The following HSPA14 variants were observed in gnomAD, a reference collection of about 807,000 sequenced individuals.
The protein encoded by HSPA14 is heat shock 70 kDa protein 14.
In HSPA14, 37 loss-of-function variants were observed where a neutral mutation model predicts 65.5. That is an observed-to-expected ratio of 0.56 (90% CI 0.43 to 0.74). The LOEUF (loss-of-function observed/expected upper bound fraction) is 0.74. Among genes scored for constraint, HSPA14 ranks in the 30% least tolerant of loss-of-function variants. The pLI, the probability that HSPA14 is intolerant of heterozygous loss-of-function variation, is 0.00. For synonymous variants in HSPA14, 203 were observed against 214.2 expected (o/e 0.95, Z 0.46); for missense variants, 564 against 607.6 (o/e 0.93, Z 0.75).
At position 14,852,450 on chromosome 10, in the gene HSPA14, T is replaced by A; in HGVS notation, c.653T>A (p.Leu218His). The A allele has an allele frequency of 6.2e-7, 1 of 1,614,016 alleles. No homozygotes were observed. Among genetic ancestry groups the A allele is most frequent in the Non-Finnish European group, 8.5e-7 (1 of 1,179,882 alleles). ...GTTAACAGTGGAATATATCGGGTTC[T>A]TTCAACAAACACTGATGATAACATC... ...MEVNSGIYRV[L>H]STNTDDNIGG... is the part of the protein sequence containing the mutation. Residue 218 changes from leucine to histidine, a missense_variant, in exon 8 of 14, where the codon CTT becomes CAT. By Grantham distance (99) the Leu-to-His change is moderately conservative. Transcript: ENST00000378372.
At position 14,854,190 on chromosome 10, in the gene HSPA14, T is replaced by C. The variant is rs114492585; in HGVS notation, c.800T>C (p.Val267Ala). Reference protein sequence around the residue: ...AMMKLTNSAEVAKHSLSTLGS... With the variant: ...AMMKLTNSAEAAKHSLSTLGS... ...ATGAAATTAACGAACAGTGCTGAAGTAGCGAAACATTCTTTGTCAACCTTG... is the reference window on the plus strand; with the variant it reads ...ATGAAATTAACGAACAGTGCTGAAGCAGCGAAACATTCTTTGTCAACCTTG... The change falls in exon 9 of 14, where the codon GTA (valine) becomes GCA (alanine). Residue 267 changes from valine to alanine, a missense_variant. By Grantham distance (64) the Val-to-Ala change is moderately conservative. Transcript: ENST00000378372. 1.4e-4 allele frequency: 220 copies of C among 1,613,668 alleles called. No individual in the cohort carries two copies. The East Asian group carries it at 4.7e-3, about 34-fold the overall frequency.
At chr10:14,857,233 T>C (rs1832710856) in intron 10 of HSPA14, among the ~76,000 whole-genome samples, 1 of 152,232 alleles carries the variant, frequency 6.6e-6, no homozygotes, top group South Asian at 2.1e-4. Flanking sequence ...AAGAGAATGA[T>C]GCCTGTCTTT....
chr10:14,853,194 T>G (rs1834121393), intron 8 of HSPA14, among the ~76,000 whole-genome samples: 1 of 152,156 alleles, frequency 6.6e-6, no homozygotes, highest in South Asian at 2.1e-4. Flanking sequence ...GATAAAGACC[T>G]ATACTGCTTT....
At chr10:14,867,671 G>T in intron 11 of HSPA14, 65 bp from the exon 12 acceptor site, 1 of 1,379,106 alleles carries the variant, frequency 7.3e-7, no homozygotes, top group South Asian at 1.4e-5. Context: ...CATTTATAAT[G>T]GGAAGTTTTT....
intron 10 of HSPA14, among the ~76,000 whole-genome samples, chr10:14,858,092 G>A (rs997902237): frequency 5.9e-5 from 9 of 152,004 alleles, no homozygotes; most frequent in Admixed American, 2.0e-4. Context: ...TGGGCAAAAT[G>A]CTTCATTTCC....
At chr10:14,857,521 T>A (rs752428987) in intron 10 of HSPA14, among the ~76,000 whole-genome samples, 9 of 152,378 alleles carry the variant, frequency 5.9e-5, no homozygotes, top group South Asian at 4.1e-4. Context: ...AGGATTTTTT[T>A]AAATGTTTAT....
intron 10 of HSPA14, 61 bp from the exon 11 acceptor site, chr10:14,867,020 CTT>C (rs1224251740): frequency 2.4e-6 from 3 of 1,225,868 alleles, no homozygotes; most frequent in East Asian, 4.7e-5. Context: ...GTCTATTACA[CTT>C]AATTTTGAGA....
At chr10:14,870,223 A>G (rs981063379) in intron 12 of HSPA14, among the ~76,000 whole-genome samples, 5 of 151,942 alleles carry the variant, frequency 3.3e-5, no homozygotes, top group African/African-American at 9.7e-5. Context: ...TTAAGTATAT[A>G]TAGAAAGCTA....
chr10:14,839,703 G>C (rs561802230), intron 1 of HSPA14, among the ~76,000 whole-genome samples: 30 of 152,306 alleles, frequency 2.0e-4, no homozygotes, highest in African/African-American at 6.5e-4. Flanking sequence ...TTGCAGAGCA[G>C]ACTGAAAACA....
intron 5 of HSPA14, chr10:14,849,355 G>C: frequency 2.1e-6 from 1 of 481,280 alleles, no homozygotes; most frequent in Non-Finnish European, 4.2e-6. Flanking sequence ...ATGATGTTAA[G>C]AACTTGGGGG....
chr10:14,838,860 C>T (rs1833929905), intron 1 of HSPA14, among the ~76,000 whole-genome samples: 1 of 152,078 alleles, frequency 6.6e-6, no homozygotes. Flanking sequence ...ACGTCCTGGC[C>T]TCTGGATGCC....
chr10:14,858,322 G>A (rs187792397), intron 10 of HSPA14, among the ~76,000 whole-genome samples: 35 of 152,316 alleles, frequency 2.3e-4, no homozygotes, highest in African/African-American at 6.5e-4. Context: ...AGTTGCTTGA[G>A]TTGAGGCGGA....
chr10:14,857,471 G>GA (rs1354131123), intron 10 of HSPA14, among the ~76,000 whole-genome samples: 3 of 152,030 alleles, frequency 2.0e-5, no homozygotes, highest in Non-Finnish European at 4.4e-5. Context: ...ATTGACTGTT[G>GA]AAAAAAGATC....
intron 3 of HSPA14, among the ~76,000 whole-genome samples, chr10:14,847,434 A>C (rs953996940): frequency 1.3e-5 from 2 of 152,216 alleles, no homozygotes; most frequent in African/African-American, 2.4e-5. Flanking sequence ...GAAAAGGAAG[A>C]AGCAAAGAGT....
chr10:14,844,670 G>A (rs1158267149), intron 3 of HSPA14: 11 of 977,752 alleles, frequency 1.1e-5, no homozygotes, highest in African/African-American at 1.1e-4. Flanking sequence ...TGTGTGTTAC[G>A]GTTTATATCG....
Position 14,842,955 on chromosome 10 carries a change from T to C in HSPA14, c.221+2798T>C. 1.2e-6 allele frequency: 1 copy of C among 851,968 alleles called. No individual in the cohort carries two copies. The highest frequency in any genetic ancestry group is 1.8e-5 in the South Asian group (1 of 54,578). The allele number at this position is 851,968 out of a possible 1,614,324, so 52.8% of individuals were successfully genotyped here. On this transcript the variant is annotated intron_variant, in intron 3 of 13. Transcript: ENST00000378372. This position sits in a 1 kb window ranked among gnomAD's most constrained non-coding sequence, Gnocchi z 5.2. ...CTTCAGCATAGTTCCTGTTTCTGCCTCATTCTGCCCCACGCACCTTTTCAA... is the reference window on the plus strand; with the variant it reads ...CTTCAGCATAGTTCCTGTTTCTGCCCCATTCTGCCCCACGCACCTTTTCAA...
chr10:14,838,947 A>C (rs924535498), intron 1 of HSPA14, among the ~76,000 whole-genome samples: 6 of 152,050 alleles, frequency 3.9e-5, no homozygotes, highest in African/African-American at 1.4e-4. Flanking sequence ...GCCGCGAGGT[A>C]CTTGGAGGCG....
At position 14,843,448 on chromosome 10, in the gene HSPA14, C is replaced by A. The variant is rs960680684; in HGVS notation, c.221+3291C>A. On this transcript the variant is annotated intron_variant, in intron 3 of 13. Transcript: ENST00000378372. ...TGCAGTTGCTCCCTGTCAGAGCAGC[C>A]CCATGGCCAGACTGGGTGTGTCCGG... 7.1e-6 allele frequency: 11 copies of A among 1,550,742 alleles called. No individual in the cohort carries two copies. In the African/African-American group the frequency reaches 1.4e-4, roughly 19 times the overall value.
Position 14,840,700 on chromosome 10 carries a change from C to T in HSPA14, c.221+543C>T, listed in dbSNP as rs1211530609. Among the ~76,000 whole-genome samples the T allele has an allele frequency of 2.6e-5, 4 of 152,194 alleles. No individual in the cohort carries two copies. The East Asian group carries it at 7.7e-4, about 29-fold the overall frequency. ...TGTAAGTTTAATTAGAAGATTAAAA[C>T]AGGCTTGCTTCCCCAGACTTCTGTC... On this transcript the variant is annotated intron_variant, in intron 3 of 13. Coordinates refer to ENST00000378372, the MANE Select transcript of HSPA14 (RefSeq NM_016299.4).
Sources: gnomAD v4.1 joint callset for allele counts (sites outside exome capture counted in the v4.1 genomes callset) on GRCh38, gnomAD v4.1.1 for gene constraint, Gnocchi (gnomAD v3.1) non-coding constraint, MANE v1.5 for transcripts, NCBI Gene and HGNC (gene_info 2026-07-23, HGNC 2026-07-21) for gene names.